Variants in MCM10 observed in about 807,000 individuals in gnomAD.
The protein encoded by MCM10 is protein MCM10 homolog.
In MCM10, 91 loss-of-function variants were observed where a neutral mutation model predicts 109.9. The ratio of observed to expected loss-of-function variants is 0.83; its 90% CI spans 0.70 to 0.99. The LOEUF (loss-of-function observed/expected upper bound fraction) is 0.99, where lower values mean the gene tolerates loss of function less well. MCM10 is among the 50% of genes least tolerant of loss of function. The pLI is 0.00. For synonymous variants in MCM10, 380 were observed against 387.2 expected, an observed-to-expected ratio of 0.98 and a Z score of 0.22; for missense variants, 1,077 against 1,061.2, an observed-to-expected ratio of 1.01 and a Z score of -0.21.
chr10:13,175,729 G>A (rs1474323264), intron 6 of MCM10, 48 bp downstream of exon 6: 6 of 1,347,702 alleles, frequency 4.5e-6, no homozygotes, highest in Non-Finnish European at 6.2e-6. Flanking sequence ...ATAGCTTTTT[G>A]TGCCTCTCGG....
chr10:13,163,107 G>A (rs1008936763), intron 1 of MCM10, among the ~76,000 whole-genome samples: 4 of 149,768 alleles, frequency 2.7e-5, no homozygotes, highest in African/African-American at 7.4e-5. Flanking sequence ...GGGAGTCCAA[G>A]GCTGATGGAT....
intron 10 of MCM10, among the ~76,000 whole-genome samples, chr10:13,189,546 A>C (rs1189516009): frequency 2.0e-5 from 3 of 152,080 alleles, no homozygotes; most frequent in African/African-American, 7.2e-5. Flanking sequence ...TGGTCTCGAA[A>C]TCCTGACCTC....
chr10:13,197,890 TA>T, intron 15 of MCM10, 123 bp downstream of exon 15: 1 of 929,008 alleles, frequency 1.1e-6, no homozygotes, highest in Non-Finnish European at 1.6e-6. Flanking sequence ...ATAGAATACC[TA>T]AATAGAATTT....
At chr10:13,191,940 T>G (rs986633273) in intron 11 of MCM10, among the ~76,000 whole-genome samples, 10 of 152,182 alleles carry the variant, frequency 6.6e-5, no homozygotes. Context: ...GATCAGAGAA[T>G]GCAGCCCCCA....
intron 6 of MCM10, among the ~76,000 whole-genome samples, chr10:13,176,266 G>C (rs1477195301): frequency 2.6e-5 from 4 of 152,120 alleles, no homozygotes; most frequent in Non-Finnish European, 1.5e-5. Context: ...AAGATAGCCT[G>C]TTATAATAGG....
rs35720709 is a variant in MCM10 at position 13,191,562 on chromosome 10, A to C, written c.1516+163A>C. Among the ~76,000 whole-genome samples the C allele has an allele frequency of 8.9e-3, 1,268 of 142,324 alleles. 10 individuals are homozygous for C. The highest frequency in any genetic ancestry group is 0.015 in the Non-Finnish European group (921 of 63,270). 93.4% of individuals were successfully genotyped at this position (142,324 alleles called of 152,430 possible). ...CTTATTCATGCACAAAAATAAATAA[A>C]TAAGCAAGCAAGCAAGCAAGCAAGC... On this transcript the variant is annotated intron_variant, in intron 11 of 19. Coordinates refer to ENST00000378714, the MANE Select transcript of MCM10 (RefSeq NM_018518.5).
intron 7 of MCM10, among the ~76,000 whole-genome samples, chr10:13,181,582 A>C (rs1288103764): frequency 6.6e-6 from 1 of 152,192 alleles, no homozygotes; most frequent in Non-Finnish European, 1.5e-5. Context: ...GGCAGGCTTT[A>C]TACCTATGTG....
chr10:13,180,248 CT>C (rs1490102673), intron 6 of MCM10, among the ~76,000 whole-genome samples, 193 bp from the exon 7 acceptor site: 2 of 142,458 alleles, frequency 1.4e-5, no homozygotes, highest in Admixed American at 7.1e-5. Context: ...GAGACTCCAT[CT>C]TTAAAAAAAA....
chr10:13,175,435 G>C lies in MCM10; in HGVS notation c.593-75G>C, dbSNP rs535301327. 909 of 1,325,298 alleles carry C rather than the reference G, an allele frequency of 6.9e-4. 1 individual carries two copies. The highest frequency in any genetic ancestry group is 8.0e-4 in the Non-Finnish European group (737 of 925,178). 82.1% of individuals were successfully genotyped at this position (1,325,298 alleles called of 1,614,324 possible). ...GTCCCTATCTCAAAGGAACAAATCC[G>C]TAAAAACAAATTTCCAAATTCCGTT... On this transcript the variant is annotated intron_variant, in intron 5 of 19. Coordinates refer to ENST00000378714, the MANE Select transcript of MCM10 (RefSeq NM_018518.5).
At position 13,177,168 on chromosome 10, in the gene MCM10, T is replaced by C. The variant is rs191277757; in HGVS notation, c.764+1487T>C. ...CATTTATTGCACATGTGAATCAGAA[T>C]TGAGATAGAAGAGACTTAAACTACT... On this transcript the variant is annotated intron_variant, in intron 6 of 19. Transcript: ENST00000378714. Among the ~76,000 whole-genome samples the C allele has an allele frequency of 2.6e-5, 4 of 152,280 alleles. No individual in the cohort carries two copies. The East Asian group carries it at 7.7e-4, about 29-fold the overall frequency.
intron 16 of MCM10, among the ~76,000 whole-genome samples, chr10:13,201,217 G>A (rs908882783): frequency 3.9e-5 from 6 of 152,122 alleles, no homozygotes; most frequent in Admixed American, 3.3e-4. Flanking sequence ...TTAAGAGCTC[G>A]TTTCTATGCA....
chr10:13,206,866 A>C (rs1834588890), intron 18 of MCM10, among the ~76,000 whole-genome samples: 1 of 151,018 alleles, frequency 6.6e-6, no homozygotes, highest in Non-Finnish European at 1.5e-5. Context: ...GTGCAGTGCC[A>C]TGATCATAGC....
intron 6 of MCM10, among the ~76,000 whole-genome samples, chr10:13,179,496 T>A (rs1241779120): frequency 6.6e-6 from 1 of 152,236 alleles, no homozygotes; most frequent in African/African-American, 2.4e-5. Flanking sequence ...TTCCTGAATA[T>A]TCTTCATTGT....
At chr10:13,186,818 C>T (rs1348851685) in intron 9 of MCM10, among the ~76,000 whole-genome samples, 1 of 151,978 alleles carries the variant, frequency 6.6e-6, no homozygotes. Context: ...ATGGTGAAAC[C>T]CCATCTCTAC....
At chr10:13,201,309 T>C in intron 16 of MCM10, 112 bp from the exon 17 acceptor site, 1 of 716,944 alleles carries the variant, frequency 1.4e-6, no homozygotes, top group Non-Finnish European at 2.4e-6. Flanking sequence ...TCTGTTCTGT[T>C]TTGATTATTA....
intron 18 of MCM10, among the ~76,000 whole-genome samples, chr10:13,206,939 G>A (rs1834590011): frequency 6.6e-6 from 1 of 151,890 alleles, no homozygotes; most frequent in Admixed American, 6.6e-5. Flanking sequence ...TGAGTAGCTG[G>A]GACTACAGGT....
At chr10:13,198,593 C>A in intron 15 of MCM10, 96 bp from the exon 16 acceptor site, 1 of 776,682 alleles carries the variant, frequency 1.3e-6, no homozygotes. Flanking sequence ...GGCTGGTAGG[C>A]AGAGGAGGAG....
In MCM10 at chr10:13,192,506, G is replaced by A; in HGVS notation, c.1683G>A (p.Leu561=). ...AIKSISASAL[L]KQQKQRMLEM... ...AGTCCATCTCGGCCTCAGCACTCTT[G>A]AAGCAACAGAAGCAGCGGATGTTGG... Residue 561 remains leucine (L), a synonymous_variant, in exon 13 of 20, where the codon TTG becomes TTA. Coordinates refer to ENST00000378714, the MANE Select transcript of MCM10 (RefSeq NM_018518.5). The A allele has an allele frequency of 1.2e-6, 2 of 1,614,168 alleles. No homozygotes were observed. The highest frequency in any genetic ancestry group is 1.7e-6 in the Non-Finnish European group (2 of 1,180,042).
At chr10:13,187,684 C>A (rs1307955257) in intron 9 of MCM10, among the ~76,000 whole-genome samples, 1 of 152,134 alleles carries the variant, frequency 6.6e-6, no homozygotes, top group Non-Finnish European at 1.5e-5. Flanking sequence ...TCTTAGAGTT[C>A]TTTGAAAGGA....
Sources: gnomAD v4.1 joint callset for allele counts (sites outside exome capture counted in the v4.1 genomes callset) on GRCh38, gnomAD v4.1.1 for gene constraint, MANE v1.5 for transcripts, NCBI Gene and HGNC (gene_info 2026-07-23, HGNC 2026-07-21) for gene names.